CIT: variants seen among roughly 807,000 people sequenced by gnomAD.
The protein encoded by CIT is citron rho-interacting serine/threonine kinase.
CIT carries 79 observed loss-of-function variants against 272.7 expected under a neutral mutation model. The observed-to-expected ratio is 0.29, with a 90% CI of 0.24 to 0.35. The LOEUF (loss-of-function observed/expected upper bound fraction) is 0.35. Ranked by LOEUF, CIT falls within the 10% of genes least tolerant of loss-of-function variation. The pLI, the probability that CIT is intolerant of heterozygous loss-of-function variation, is 1.00. For synonymous variants in CIT, 948 were observed against 995.6 expected, an observed-to-expected ratio of 0.95 and a Z score of 0.90; for missense variants, 1,909 against 2,618.3, an observed-to-expected ratio of 0.73 and a Z score of 5.91.
chr12:119,744,582 G>A (rs1460603742), intron 23 of CIT, among the ~76,000 whole-genome samples: 1 of 151,786 alleles, frequency 6.6e-6, no homozygotes, highest in Non-Finnish European at 1.5e-5. Context: ...TGGGTGTGGT[G>A]GCAGGTGCCT....
rs1963010772 is a variant in CIT at position 119,770,621 on chromosome 12, A to G, written c.2208+164T>C. 6.6e-6 allele frequency among the ~76,000 whole-genome samples: 1 copy of G among 151,900 alleles called. No homozygotes were observed. Among genetic ancestry groups the G allele is most frequent in the African/African-American group, 2.4e-5 (1 of 41,358 alleles). ...GTGCTGAAATGTCCGTTATTTGGTT[A>G]TTCATACTACTCTACGATGTGGCAT... On this transcript the variant is annotated intron_variant, in intron 18 of 47. Transcript: ENST00000392521. The surrounding 1 kb of genome is among the most constrained non-coding windows in gnomAD (Gnocchi z 4.4).
intron 37 of CIT, among the ~76,000 whole-genome samples, chr12:119,711,500 G>A (rs560251361): frequency 2.4e-4 from 37 of 152,274 alleles, no homozygotes; most frequent in South Asian, 1.5e-3. Context: ...GTGCTGCTTC[G>A]TGGCCAAAGT....
intron 7 of CIT, among the ~76,000 whole-genome samples, chr12:119,831,855 G>GC (rs1968664234): frequency 6.6e-6 from 1 of 152,104 alleles, no homozygotes; most frequent in African/African-American, 2.4e-5. Context: ...GGGGGACAGA[G>GC]CGAGACTCCG....
intron 39 of CIT, among the ~76,000 whole-genome samples, chr12:119,709,453 T>C (rs1279761101): frequency 6.6e-6 from 1 of 152,080 alleles, no homozygotes; most frequent in Non-Finnish European, 1.5e-5. Context: ...AATCTAAAAC[T>C]GCTCTAAAGA....
intron 6 of CIT, 73 bp from the exon 7 acceptor site, chr12:119,832,937 A>G (rs1369554697): frequency 9.3e-7 from 1 of 1,074,586 alleles, no homozygotes; most frequent in Non-Finnish European, 1.4e-6. Flanking sequence ...TAGAATCTCA[A>G]TTGAGCCAAA....
intron 23 of CIT, among the ~76,000 whole-genome samples, chr12:119,750,179 G>A (rs1010707638): frequency 1.3e-4 from 20 of 152,258 alleles, no homozygotes; most frequent in African/African-American, 3.1e-4. Flanking sequence ...TATACATTGC[G>A]TTAAATATAA....
intron 13 of CIT, among the ~76,000 whole-genome samples, chr12:119,778,789 C>T (rs1024383248): frequency 1.3e-5 from 2 of 152,140 alleles, no homozygotes; most frequent in South Asian, 2.1e-4. Flanking sequence ...TTCACTCTCT[C>T]CCACCCAAAA....
chr12:119,833,908 G>A (rs1968820289), intron 6 of CIT, among the ~76,000 whole-genome samples, 178 bp downstream of exon 6: 1 of 152,208 alleles, frequency 6.6e-6, no homozygotes, highest in Non-Finnish European at 1.5e-5. Flanking sequence ...GGATAAGCAA[G>A]CTGAAATGTC....
chr12:119,794,532 G>T (rs1965566837), intron 10 of CIT, among the ~76,000 whole-genome samples: 1 of 152,220 alleles, frequency 6.6e-6, no homozygotes, highest in Non-Finnish European at 1.5e-5. Flanking sequence ...GTGGGTGGGA[G>T]CATGTGACAT....
chr12:119,849,751 T>A (rs1459621333), intron 5 of CIT, among the ~76,000 whole-genome samples: 1 of 150,604 alleles, frequency 6.6e-6, no homozygotes, highest in Admixed American at 6.7e-5. Flanking sequence ...AGTGGCGCAA[T>A]CTCGGCTCAC....
chr12:119,690,136 G>A lies in CIT; in HGVS notation c.6186+15C>T, dbSNP rs1241530329. 5.5e-6 allele frequency: 8 copies of A among 1,454,280 alleles called. No individual in the cohort carries two copies. The highest frequency in any genetic ancestry group is 2.7e-5 in the Admixed American group (1 of 37,552). The allele number at this position is 1,454,280 out of a possible 1,614,324, so 90.1% of individuals were successfully genotyped here. A position where few individuals can be genotyped will look rare whatever the true frequency, so the allele number is the denominator to read the frequency against. On this transcript the variant is annotated intron_variant, in intron 47 of 47. Coordinates refer to ENST00000392521, the MANE Select transcript of CIT (RefSeq NM_001206999.2). The surrounding 1 kb of genome is among the most constrained non-coding windows in gnomAD (Gnocchi z 6.0). ...CCTCCGCAACAGACACACAGGCCTC[G>A]GAATGCTGCCTCACCTTGTTCACCT...
At chr12:119,817,225 T>C (rs1967269903) in intron 9 of CIT, among the ~76,000 whole-genome samples, 1 of 152,116 alleles carries the variant, frequency 6.6e-6, no homozygotes, top group Admixed American at 6.5e-5. Context: ...ATCAAGCACA[T>C]GTGGGGCCAG....
intron 3 of CIT, among the ~76,000 whole-genome samples, chr12:119,862,810 A>G (rs1950384791): frequency 2.1e-5 from 2 of 96,304 alleles, no homozygotes; most frequent in South Asian, 4.1e-4. Flanking sequence ...ACTCTACCTA[A>G]AAAAAAAAAA....
At chr12:119,772,258 C>T (rs570545644) in intron 17 of CIT, among the ~76,000 whole-genome samples, 69 of 152,162 alleles carry the variant, frequency 4.5e-4, no homozygotes, top group African/African-American at 1.6e-3. Flanking sequence ...AAGTTTTTTA[C>T]GAAAAGGCAC....
intron 16 of CIT, among the ~76,000 whole-genome samples, chr12:119,774,746 G>A (rs1298585285): frequency 6.6e-6 from 1 of 152,130 alleles, no homozygotes; most frequent in Non-Finnish European, 1.5e-5. Flanking sequence ...GCAATGGCAG[G>A]TGGTTCACTT....
rs1249512631 is a variant in CIT at position 119,698,035 on chromosome 12, C to G, written c.5643G>C (p.Leu1881=). 1.2e-6 allele frequency: 2 copies of G among 1,614,052 alleles called. No homozygotes were observed. Among genetic ancestry groups the G allele is most frequent in the African/African-American group, 2.7e-5 (2 of 74,926 alleles). The part of the protein sequence containing the change: ...PLAFAYREPY[L]FVTHFNSLEV... ...CGAGTGAGTTGAAGTGGGTCACAAA[C>G]AGATAGGGTTCTCTGTAGGCTGTGT... The change falls in exon 45 of 48, where the codon CTG becomes CTC. Residue 1881 remains leucine (L), a synonymous_variant. Transcript: ENST00000392521.
At chr12:119,876,607 G>A (rs913512170) in intron 1 of CIT, among the ~76,000 whole-genome samples, 2 of 152,190 alleles carry the variant, frequency 1.3e-5, no homozygotes, top group African/African-American at 2.4e-5. Context: ...GGACAATGGG[G>A]GTGAGATGGT....
intron 12 of CIT, 49 bp from the exon 13 acceptor site, chr12:119,782,686 G>T: frequency 6.2e-7 from 1 of 1,606,614 alleles, no homozygotes. Context: ...ATCCTGCTTT[G>T]TTTGAAAAGA....
In CIT at chr12:119,740,321, G is replaced by A. The variant is rs150333541; in HGVS notation, c.2958+2090C>T. Among the ~76,000 whole-genome samples, 32 of 152,236 alleles carry A rather than the reference G, an allele frequency of 2.1e-4. No individual in the cohort carries two copies. In the East Asian group the frequency reaches 5.6e-3, roughly 27 times the overall value. ...ACTAAACTTCCAGTTTTTAAAATGG[G>A]GGACAAGATGAATTACAAAGGGGTA... On this transcript the variant is annotated intron_variant, in intron 24 of 47. Transcript: ENST00000392521.
Sources: allele counts gnomAD v4.1 joint callset (sites outside exome capture counted in the v4.1 genomes callset), GRCh38; gene constraint gnomAD v4.1.1; non-coding constraint Gnocchi (gnomAD v3.1); transcripts MANE v1.5; gene names NCBI Gene and HGNC (gene_info 2026-07-23, HGNC 2026-07-21).